Variants in HDX observed in about 807,000 individuals in gnomAD.
HDX encodes highly divergent homeobox, also known as chromosome X open reading frame 43.
In HDX, 19 loss-of-function variants were observed where a neutral mutation model predicts 45.2. The observed-to-expected ratio is 0.42, with a 90% confidence interval of 0.29 to 0.62. The LOEUF (loss-of-function observed/expected upper bound fraction) is 0.62. HDX is among the 20% of genes least tolerant of loss of function. HDX has a pLI of 0.20. For missense variants in HDX, 532 were observed against 493.9 expected, an observed-to-expected ratio of 1.08 and a Z score of -0.73; for synonymous variants, 188 against 172.8, an observed-to-expected ratio of 1.09 and a Z score of -0.69.
chrX:84,328,881 G>C (rs1218281319), intron 9 of HDX, among the ~76,000 whole-genome samples: 1 of 111,510 alleles, frequency 9.0e-6, no homozygotes, highest in Non-Finnish European at 1.9e-5. Context: ...AAGGTGGTTG[G>C]GCCACCACTT....
chrX:84,361,437 T>A (rs970953154), intron 6 of HDX, 29 bp downstream of exon 6: 2 of 1,184,405 alleles, frequency 1.7e-6, no homozygotes, highest in Non-Finnish European at 2.3e-6. Flanking sequence ...TCAGCAACTA[T>A]AGCATGAAAA....
chrX:84,387,980 A>T (rs1043119722), intron 5 of HDX, among the ~76,000 whole-genome samples: 2 of 112,275 alleles, frequency 1.8e-5, no homozygotes, highest in African/African-American at 6.5e-5. Flanking sequence ...ACAACCTCTA[A>T]TAAGACTTGT....
intron 1 of HDX, among the ~76,000 whole-genome samples, chrX:84,496,131 A>G (rs377742993): frequency 8.9e-6 from 1 of 112,059 alleles, no homozygotes; most frequent in South Asian, 3.7e-4. Flanking sequence ...GATTTTACCT[A>G]TGACATTGGT....
intron 5 of HDX, among the ~76,000 whole-genome samples, chrX:84,406,023 C>T (rs1162513651): frequency 9.1e-6 from 1 of 110,035 alleles, no homozygotes; most frequent in African/African-American, 3.3e-5. Flanking sequence ...TTTACGAAGC[C>T]GCCAGTATTT....
intron 5 of HDX, among the ~76,000 whole-genome samples, chrX:84,389,499 G>A (rs992098592): frequency 3.8e-4 from 42 of 111,332 alleles, no homozygotes; most frequent in African/African-American, 1.3e-3. Flanking sequence ...AGAGCTGCAT[G>A]CCACAGCCCT....
intron 5 of HDX, among the ~76,000 whole-genome samples, chrX:84,369,096 C>T (rs761586561): frequency 9.0e-6 from 1 of 110,971 alleles, no homozygotes; most frequent in Non-Finnish European, 1.9e-5. Context: ...CCAAACCCCA[C>T]GCAATGACCA....
rs923074424 is a variant in HDX at position 84,344,714 on chromosome X, A to G, written c.1453-257T>C. ...TACAGTTTGACAGTGTGAGGTTTCA[A>G]TACATGTACAGATTTTATAATGATC... is the stretch of plus-strand genomic sequence containing the variant. On this transcript the variant is annotated intron_variant, in intron 6 of 10. Transcript: ENST00000373177. 3.6e-5 allele frequency among the ~76,000 whole-genome samples: 4 copies of G among 111,253 alleles called. No homozygotes were observed. In the Admixed American group the frequency reaches 3.8e-4, roughly 11 times the overall value.
Position 84,468,891 on chromosome X carries a change from G to T in HDX, c.832C>A (p.Leu278Met). 1.7e-6 allele frequency: 2 copies of T among 1,211,294 alleles called. No individual in the cohort carries two copies. Among genetic ancestry groups the T allele is most frequent in the Non-Finnish European group, 2.2e-6 (2 of 895,201 alleles). Residue 278 changes from leucine (L) to methionine (M), a missense_variant, in exon 4 of 11, where the codon CTG becomes ATG. Physicochemically the swap from Leu to Met is conservative, Grantham distance 15. Coordinates refer to ENST00000373177, the MANE Select transcript of HDX (RefSeq NM_001177479.2). ...LAVSDYPQRILGGNAPQKPSS... is the reference protein window; with the variant it reads ...LAVSDYPQRIMGGNAPQKPSS... ...GGCTTCTGTGGGGCATTTCCTCCCA[G>T]AATTCTCTGGGGGTAATCGCTAACT... is the stretch of plus-strand genomic sequence containing the variant.
At chrX:84,453,930 T>G (rs966495524) in intron 4 of HDX, among the ~76,000 whole-genome samples, 13 of 111,535 alleles carry the variant, frequency 1.2e-4, no homozygotes, top group African/African-American at 4.2e-4. Flanking sequence ...AGGCTCCTAT[T>G]CCAGGGCCTA....
At chrX:84,369,759 C>T (rs2037848560) in intron 5 of HDX, among the ~76,000 whole-genome samples, 1 of 111,821 alleles carries the variant, frequency 8.9e-6, no homozygotes, top group African/African-American at 3.3e-5. Context: ...GGAGAAGTTC[C>T]CATTCAAGTC....
chrX:84,383,094 A>G (rs571103785), intron 5 of HDX, among the ~76,000 whole-genome samples: 1 of 111,694 alleles, frequency 9.0e-6, no homozygotes, highest in African/African-American at 3.2e-5. Context: ...TAGTATATAT[A>G]AAATAAAAAG....
intron 5 of HDX, among the ~76,000 whole-genome samples, chrX:84,417,169 AGAAT>A (rs1306200379): frequency 5.6e-5 from 6 of 106,243 alleles, no homozygotes; most frequent in African/African-American, 1.0e-4. Context: ...AAAGAAAGAA[AGAAT>A]GAAAGAAAGA....
At chrX:84,394,331 G>A in intron 5 of HDX, among the ~76,000 whole-genome samples, 1 of 111,762 alleles carries the variant, frequency 8.9e-6, no homozygotes, top group South Asian at 3.7e-4. Flanking sequence ...TGTTATGAAT[G>A]TCTAGGTTTG....
intron 9 of HDX, among the ~76,000 whole-genome samples, chrX:84,332,268 G>A (rs974283152): frequency 9.0e-6 from 1 of 111,171 alleles, no homozygotes; most frequent in Non-Finnish European, 1.9e-5. Flanking sequence ...ATTAAAAAAA[G>A]AACTTTATGG....
chrX:84,483,148 A>T (rs1006492590), intron 2 of HDX, among the ~76,000 whole-genome samples: 2 of 110,680 alleles, frequency 1.8e-5, no homozygotes, highest in Non-Finnish European at 3.8e-5. Flanking sequence ...TGTTAAGTGT[A>T]TGTGGCTTTC....
At chrX:84,493,291 C>T (rs765285309) in intron 1 of HDX, among the ~76,000 whole-genome samples, 3 of 111,807 alleles carry the variant, frequency 2.7e-5, no homozygotes, top group South Asian at 7.3e-4. Flanking sequence ...CATCTCTTAT[C>T]TGTCTTTTTA....
chrX:84,394,239 ATTTC>A (rs775922129), intron 5 of HDX, among the ~76,000 whole-genome samples: 1 of 110,961 alleles, frequency 9.0e-6, no homozygotes, highest in African/African-American at 3.3e-5. Flanking sequence ...TTCCTCCTTA[ATTTC>A]TTTATTGATC....
chrX:84,391,054 A>C (rs779112326), intron 5 of HDX, among the ~76,000 whole-genome samples: 21 of 111,663 alleles, frequency 1.9e-4, no homozygotes, highest in Non-Finnish European at 3.6e-4. Context: ...ATTGGAAATT[A>C]TTTCTTGTAT....
intron 5 of HDX, among the ~76,000 whole-genome samples, chrX:84,377,702 G>A (rs1005434718): frequency 9.1e-6 from 1 of 110,386 alleles, no homozygotes; most frequent in East Asian, 2.9e-4. Flanking sequence ...TACACAGTCA[G>A]AGGGACAAAA....
Sources: allele counts gnomAD v4.1 joint callset (sites outside exome capture counted in the v4.1 genomes callset), GRCh38; gene constraint gnomAD v4.1.1; transcripts MANE v1.5; gene names NCBI Gene and HGNC (gene_info 2026-07-23, HGNC 2026-07-21).